The following WDR20 variants were observed in gnomAD, a reference collection of about 807,000 sequenced individuals.
The protein encoded by WDR20 is WD repeat domain 20.
WDR20 carries 3 observed loss-of-function variants against 38.7 expected under a neutral mutation model. The ratio of observed to expected loss-of-function variants is 0.08; its 90% CI spans 0.04 to 0.20. The LOEUF is 0.20. Ranked by LOEUF, WDR20 falls within the 10% of genes least tolerant of loss-of-function variation. The probability of loss-of-function intolerance (pLI) is 1.00; values close to 1 mark genes in which losing one functional copy is unlikely to be tolerated. For synonymous variants in WDR20, 298 were observed against 285.6 expected (o/e 1.04, Z -0.44); for missense variants, 559 against 727.7 (o/e 0.77, Z 2.67).
intron 1 of WDR20, among the ~76,000 whole-genome samples, chr14:102,143,066 T>C (rs934004173): frequency 1.3e-5 from 2 of 152,078 alleles, no homozygotes; most frequent in Admixed American, 1.3e-4. Context: ...TGTCTGGAGC[T>C]AGAAGGAACT....
At chr14:102,154,564 G>A (rs771874781) in intron 1 of WDR20, among the ~76,000 whole-genome samples, 17 of 152,146 alleles carry the variant, frequency 1.1e-4, no homozygotes, top group Non-Finnish European at 1.8e-4. Flanking sequence ...CACTGGTATT[G>A]TCATGTTTAC....
At chr14:102,188,988 G>A (rs2065608970) in intron 1 of WDR20, among the ~76,000 whole-genome samples, 1 of 151,648 alleles carries the variant, frequency 6.6e-6, no homozygotes, top group African/African-American at 2.4e-5. Flanking sequence ...AAGGCAGGCA[G>A]ATCACTTGAT....
rs1597159758 is a variant in WDR20, at chr14:102,220,192, T to C, written c.1693-2638T>C. Among the ~76,000 whole-genome samples the C allele has an allele frequency of 6.6e-6, 1 of 152,096 alleles. No individual in the cohort carries two copies. Among genetic ancestry groups the C allele is most frequent in the East Asian group, 1.9e-4 (1 of 5,172 alleles). ...AGCAGCCGCCCTCCCCTGGGAGTGA[T>C]GGAAAGCAGCCGAGTCCTCTGGGGC... On this transcript the variant is annotated intron_variant, in intron 3 of 3. Transcript: ENST00000335263. This position sits in a 1 kb window ranked among gnomAD's most constrained non-coding sequence, Gnocchi z 4.2.
At position 102,208,528 on chromosome 14, in the gene WDR20, A is replaced by C; in HGVS notation, c.433-75A>C. On this transcript the variant is annotated intron_variant, in intron 2 of 2. Transcript: ENST00000342702. The surrounding 1 kb of genome is among the most constrained non-coding windows in gnomAD (Gnocchi z 5.6). ...CTTGCCCCTTCCCATCGAGAAGCAC[A>C]CAAGTTTTCTTGCTGGAAAAGTAGA... is the stretch of plus-strand genomic sequence containing the variant. 6.6e-7 allele frequency: 1 copy of C among 1,513,816 alleles called. No individual in the cohort carries two copies. The highest frequency in any genetic ancestry group is 8.8e-7 in the Non-Finnish European group (1 of 1,133,526). The allele number at this position is 1,513,816 out of a possible 1,614,324, so 93.8% of individuals were successfully genotyped here. A position where few individuals can be genotyped will look rare whatever the true frequency, so the allele number is the denominator to read the frequency against.
downstream of WDR20, among the ~76,000 whole-genome samples, chr14:102,218,668 T>C (rs1384722929): frequency 2.0e-5 from 3 of 151,910 alleles, no homozygotes; most frequent in Admixed American, 1.3e-4. Flanking sequence ...AATTTTGAAC[T>C]GAAGTCTCTA....
intron 1 of WDR20, among the ~76,000 whole-genome samples, chr14:102,146,087 G>C (rs1313434026): frequency 6.6e-6 from 1 of 151,942 alleles, no homozygotes. Context: ...ATTGAGAGGG[G>C]TGGGGTGTTT....
At chr14:102,153,774 A>G (rs2056715285) in intron 1 of WDR20, among the ~76,000 whole-genome samples, 1 of 152,162 alleles carries the variant, frequency 6.6e-6, no homozygotes. Flanking sequence ...TATTTTATGC[A>G]TTGCTGGCTC....
chr14:102,162,704 C>T (rs1262911155), intron 1 of WDR20, among the ~76,000 whole-genome samples: 3 of 152,082 alleles, frequency 2.0e-5, no homozygotes, highest in African/African-American at 7.3e-5. Flanking sequence ...ACCTCTGCCT[C>T]CTGGGCTCAA....
At chr14:102,159,144 T>C (rs1249697871) in intron 1 of WDR20, among the ~76,000 whole-genome samples, 1 of 152,044 alleles carries the variant, frequency 6.6e-6, no homozygotes, top group Admixed American at 6.6e-5. Flanking sequence ...GGAGTCTCAC[T>C]ATGTTACCCA....
intron 1 of WDR20, among the ~76,000 whole-genome samples, chr14:102,176,889 C>T (rs1165164041): frequency 6.6e-6 from 1 of 152,036 alleles, no homozygotes; most frequent in Admixed American, 6.6e-5. Context: ...CCATCACGCC[C>T]GGCTAATTAT....
downstream of WDR20, chr14:102,212,873 A>G: frequency 1.7e-6 from 2 of 1,190,446 alleles, no homozygotes; most frequent in Non-Finnish European, 1.1e-6. Flanking sequence ...TTTCTAACCT[A>G]ATCTGTGGAA....
chr14:102,173,237 C>G (rs879330413), intron 1 of WDR20, among the ~76,000 whole-genome samples: 1 of 151,222 alleles, frequency 6.6e-6, no homozygotes, highest in Non-Finnish European at 1.5e-5. Context: ...CTCAGCCTCA[C>G]GAGCAGTTGG....
At chr14:102,210,995 C>T (rs1054912541), downstream of WDR20, among the ~76,000 whole-genome samples, 2 of 152,198 alleles carry the variant, frequency 1.3e-5, no homozygotes, top group Non-Finnish European at 2.9e-5. Flanking sequence ...CAGTGGCTCC[C>T]ACCCTAGCGC....
Position 102,193,401 on chromosome 14 carries a change from A to G in WDR20, c.250-1537A>G, listed in dbSNP as rs2152939380. On this transcript the variant is annotated intron_variant, in intron 1 of 2. Coordinates refer to ENST00000342702, the MANE Select transcript of WDR20 (RefSeq NM_144574.4). The stretch of plus-strand genomic sequence containing the variant: ...TCAGGACTCCCTTTTGTTTTGTATC[A>G]TGCTTTGTATTACACTTTTCAAGGC... 3.2e-6 allele frequency: 5 copies of G among 1,553,198 alleles called. No individual in the cohort carries two copies. In the South Asian group the frequency reaches 5.6e-5, roughly 17 times the overall value.
intron 1 of WDR20, among the ~76,000 whole-genome samples, chr14:102,174,043 CAAAAAAA>C (rs776153847): frequency 3.4e-5 from 3 of 87,792 alleles, no homozygotes; most frequent in African/African-American, 8.7e-5. Flanking sequence ...GACTCCATCT[CAAAAAAA>C]AAAAAAAAAG....
downstream of WDR20, among the ~76,000 whole-genome samples, chr14:102,218,291 C>T (rs2063470492): frequency 6.6e-6 from 1 of 152,230 alleles, no homozygotes; most frequent in Admixed American, 6.5e-5. Context: ...CTCTCATCCA[C>T]ATCCCACAGC....
chr14:102,140,690 C>G (rs2050681173), intron 1 of WDR20, among the ~76,000 whole-genome samples: 2 of 152,208 alleles, frequency 1.3e-5, no homozygotes, highest in African/African-American at 4.8e-5. Context: ...CAGGGCTACT[C>G]CACCTGCTGC....
intron 1 of WDR20, among the ~76,000 whole-genome samples, chr14:102,188,769 A>G (rs2065515779): frequency 6.7e-6 from 1 of 149,396 alleles, no homozygotes; most frequent in African/African-American, 2.5e-5. Flanking sequence ...GCTACTTGAG[A>G]GGCTGAGGCA....
chr14:102,192,258 C>T (rs1266638693), intron 1 of WDR20, among the ~76,000 whole-genome samples: 1 of 151,744 alleles, frequency 6.6e-6, no homozygotes, highest in East Asian at 1.9e-4. Context: ...CGGCTCACTG[C>T]AAGCTCCGCC....
Sources: allele counts gnomAD v4.1 joint callset (sites outside exome capture counted in the v4.1 genomes callset), GRCh38; gene constraint gnomAD v4.1.1; non-coding constraint Gnocchi (gnomAD v3.1); transcripts MANE v1.5; gene names NCBI Gene and HGNC (gene_info 2026-07-23, HGNC 2026-07-21).